Variants in SLC37A1 observed in about 807,000 individuals in gnomAD.
SLC37A1 encodes the protein glucose-6-phosphate exchanger SLC37A1.
In SLC37A1, 49 loss-of-function variants were observed where a neutral mutation model predicts 75.3. The ratio of observed to expected loss-of-function variants is 0.65; its 90% CI spans 0.52 to 0.83. SLC37A1 has a LOEUF of 0.83. SLC37A1 is among the 40% of genes least tolerant of loss of function. SLC37A1 has a pLI of 0.00. For synonymous variants in SLC37A1, 268 were observed against 292.1 expected, an observed-to-expected ratio of 0.92 and a Z score of 0.84; for missense variants, 566 against 695.0, an observed-to-expected ratio of 0.81 and a Z score of 2.09.
At chr21:42,532,185 C>G (rs368693101) in intron 3 of SLC37A1, among the ~76,000 whole-genome samples, 1 of 152,216 alleles carries the variant, frequency 6.6e-6, no homozygotes, top group South Asian at 2.1e-4. Context: ...ATGTGAGACC[C>G]CCACTCATTA....
At chr21:42,530,658 C>CA (rs2054943160) in intron 3 of SLC37A1, among the ~76,000 whole-genome samples, 1 of 108,616 alleles carries the variant, frequency 9.2e-6, no homozygotes, top group African/African-American at 3.3e-5. Context: ...ACACACACCC[C>CA]CTCTGTGTTG....
intron 6 of SLC37A1, 108 bp from the exon 7 acceptor site, chr21:42,542,296 G>A (rs1196298699): frequency 1.3e-6 from 1 of 794,086 alleles, no homozygotes; most frequent in Non-Finnish European, 2.0e-6. Flanking sequence ...ATCTCTGGCT[G>A]TCGTGCCCCC....
In SLC37A1 at chr21:42,559,001, C is replaced by G. The variant is rs769144647; in HGVS notation, c.893C>G (p.Ser298Cys). The G allele has an allele frequency of 6.2e-7, 1 of 1,613,844 alleles. No individual in the cohort carries two copies. The highest frequency in any genetic ancestry group is 1.7e-5 in the Admixed American group (1 of 59,956). Residue 298 changes from serine (S) to cysteine (C), a missense_variant, in exon 11 of 20, where the codon TCC (serine) becomes TGC (cysteine). By Grantham distance (112) the Ser-to-Cys change is moderately radical. Transcript: ENST00000352133. The part of the protein sequence containing the change: ...QCLLLSDGKG[S>C]IHPNHVVILP... ...CTGCTGCTCTCAGATGGGAAGGGCT[C>G]CATCCACCCGAACCACGTCGTCATT...
At chr21:42,544,867 A>G (rs764384000) in intron 8 of SLC37A1, among the ~76,000 whole-genome samples, 1 of 152,138 alleles carries the variant, frequency 6.6e-6, no homozygotes, top group Non-Finnish European at 1.5e-5. Flanking sequence ...CCGGAGAACA[A>G]TGTGCCTCTC....
In SLC37A1 at chr21:42,580,790, C is replaced by T. The variant is rs926543618; in HGVS notation, c.*430C>T. ...GGCTTCAGAGAACCTGTATGTGCCA[C>T]ATGGAAAAACAGGACACCAGAGCCC... On this transcript the variant is annotated 3_prime_UTR_variant, in exon 20 of 20. Transcript: ENST00000352133. The T allele has an allele frequency of 2.9e-5, 6 of 207,870 alleles. No homozygotes were observed. The highest frequency in any genetic ancestry group is 1.6e-4 in the South Asian group (2 of 12,354). The allele number at this position is 207,870 out of a possible 1,614,324, so 12.9% of individuals were successfully genotyped here.
At chr21:42,576,297 TA>T (rs2056307226) in intron 18 of SLC37A1, among the ~76,000 whole-genome samples, 1 of 152,122 alleles carries the variant, frequency 6.6e-6, no homozygotes, top group African/African-American at 2.4e-5. Context: ...TTAGCCAGAT[TA>T]GGGGGAAGAA....
chr21:42,509,597 T>A (rs62215902), upstream of SLC37A1: 11,140 of 152,286 alleles, frequency 0.073, 474 homozygotes, highest in Non-Finnish European at 0.093. This position sits in a 1 kb window ranked among gnomAD's most constrained non-coding sequence, Gnocchi z 4.2. Flanking sequence ...GTGTGTGGAC[T>A]CTTGTCAGTT....
At chr21:42,573,484 T>C (rs576906607) in intron 17 of SLC37A1, among the ~76,000 whole-genome samples, 44 of 152,124 alleles carry the variant, frequency 2.9e-4, no homozygotes, top group Non-Finnish European at 5.7e-4. Flanking sequence ...CTTCCAAAAC[T>C]ACGTGCCCTT....
chr21:42,510,880 T>C (rs1311492246), upstream of SLC37A1, among the ~76,000 whole-genome samples: 1 of 152,172 alleles, frequency 6.6e-6, no homozygotes, highest in East Asian at 1.9e-4. Flanking sequence ...AAGAGAGAAA[T>C]AGCAATACAG....
At chr21:42,528,325 G>T (rs73905679) in intron 3 of SLC37A1, among the ~76,000 whole-genome samples, 2 of 152,160 alleles carry the variant, frequency 1.3e-5, no homozygotes, top group Non-Finnish European at 2.9e-5. Flanking sequence ...CAAGGCAAGC[G>T]TCTGCCCAAG....
chr21:42,576,886 G>C (rs1192981981), intron 18 of SLC37A1, among the ~76,000 whole-genome samples: 1 of 152,114 alleles, frequency 6.6e-6, no homozygotes, highest in Non-Finnish European at 1.5e-5. Context: ...ATATTAGAGA[G>C]AAATTAAATA....
intron 5 of SLC37A1, among the ~76,000 whole-genome samples, chr21:42,536,798 T>C (rs2055149695): frequency 1.3e-5 from 2 of 152,206 alleles, no homozygotes; most frequent in Admixed American, 6.5e-5. Context: ...GCGCGGCCAC[T>C]CACTCCTGCG....
At chr21:42,564,985 G>C (rs1351512064) in intron 14 of SLC37A1, among the ~76,000 whole-genome samples, 192 bp downstream of exon 14, 1 of 152,212 alleles carries the variant, frequency 6.6e-6, no homozygotes, top group Non-Finnish European at 1.5e-5. Context: ...CCTCTGCCAC[G>C]TGCACAGCTG....
upstream of SLC37A1, among the ~76,000 whole-genome samples, chr21:42,510,544 T>C (rs2054423652): frequency 6.6e-6 from 1 of 151,732 alleles, no homozygotes; most frequent in African/African-American, 2.4e-5. Context: ...TTAATGTAAA[T>C]GGATTAAATT....
At chr21:42,518,986 T>C (rs57935695) in intron 2 of SLC37A1, among the ~76,000 whole-genome samples, 1 of 152,190 alleles carries the variant, frequency 6.6e-6, no homozygotes, top group Non-Finnish European at 1.5e-5. Flanking sequence ...CTGAGAATCC[T>C]TCTCTTAGGT....
At chr21:42,579,846 A>T (rs2056387370) in intron 19 of SLC37A1, 46 bp downstream of exon 19, 1 of 1,595,750 alleles carries the variant, frequency 6.3e-7, no homozygotes, top group Non-Finnish European at 8.6e-7. Context: ...AGCCGGCTCC[A>T]AAGTGCCTTC....
chr21:42,515,595 A>T (rs1469463235), intron 1 of SLC37A1, among the ~76,000 whole-genome samples: 1 of 152,172 alleles, frequency 6.6e-6, no homozygotes, highest in Non-Finnish European at 1.5e-5. Flanking sequence ...TCCTCAGCTT[A>T]TTCTGTTTTA....
intron 7 of SLC37A1, among the ~76,000 whole-genome samples, chr21:42,542,798 T>C (rs1329680831): frequency 6.6e-6 from 1 of 152,250 alleles, no homozygotes; most frequent in African/African-American, 2.4e-5. Context: ...CAAAGCTACA[T>C]GTTAACATGG....
chr21:42,533,177 G>A (rs2055036391), intron 3 of SLC37A1, among the ~76,000 whole-genome samples: 1 of 152,164 alleles, frequency 6.6e-6, no homozygotes, highest in Non-Finnish European at 1.5e-5. Flanking sequence ...CTGACCTGGA[G>A]CCAGCTTTGT....
Sources: allele counts gnomAD v4.1 joint callset (sites outside exome capture counted in the v4.1 genomes callset), GRCh38; gene constraint gnomAD v4.1.1; non-coding constraint Gnocchi (gnomAD v3.1); transcripts MANE v1.5; gene names NCBI Gene and HGNC (gene_info 2026-07-23, HGNC 2026-07-21).